Variants in IQCH observed in about 807,000 individuals in gnomAD.
IQCH encodes IQ domain-containing protein H.
A neutral mutation model predicts 117.0 loss-of-function variants in IQCH; 98 were observed. The observed-to-expected ratio is 0.84, with a 90% CI of 0.71 to 0.99. The LOEUF is 0.99. Among genes scored for constraint, IQCH ranks in the 50% least tolerant of loss-of-function variants. IQCH has a pLI of 0.00. For synonymous variants in IQCH, 412 were observed against 448.2 expected (o/e 0.92, Z 1.02); for missense variants, 1,102 against 1,243.8 (o/e 0.89, Z 1.72).
intron 6 of IQCH, among the ~76,000 whole-genome samples, chr15:67,352,122 G>C (rs1969687767): frequency 6.6e-6 from 1 of 151,574 alleles, no homozygotes; most frequent in South Asian, 2.1e-4. Flanking sequence ...TTTTGGAATT[G>C]ATACATTCCT....
Position 67,254,919 on chromosome 15 carries a change from A to G in IQCH, c.23A>G (p.His8Arg). The change falls in exon 1 of 21, where the codon CAC becomes CGC. Residue 8 changes from histidine (H) to arginine (R), a missense_variant. Physicochemically the swap from His to Arg is conservative, Grantham distance 29. Coordinates refer to ENST00000335894, the MANE Select transcript of IQCH (RefSeq NM_001031715.3). Reference protein sequence around the residue: MAQNTENHDPVGSILIQI... With the variant: MAQNTENRDPVGSILIQI... ...GCCATGGCACAGAACACTGAAAACC[A>G]CGACCCTGTCGGATCCATCTTAATC... The G allele has an allele frequency of 1.2e-6, 2 of 1,613,786 alleles. No individual in the cohort carries two copies. The highest frequency in any genetic ancestry group is 1.7e-6 in the Non-Finnish European group (2 of 1,179,810).
intron 8 of IQCH, among the ~76,000 whole-genome samples, chr15:67,361,996 GCAAA>G (rs1412390652): frequency 1.1e-4 from 16 of 151,894 alleles, no homozygotes; most frequent in African/African-American, 2.4e-4. Context: ...GATAAAACAA[GCAAA>G]CAAACAAATA....
chr15:67,461,548 G>C (rs1453656940), intron 16 of IQCH, among the ~76,000 whole-genome samples: 1 of 152,228 alleles, frequency 6.6e-6, no homozygotes, highest in African/African-American at 2.4e-5. Flanking sequence ...GGAAAGACCA[G>C]ATGGAGAACA....
At position 67,407,918 on chromosome 15, in the gene IQCH, T is replaced by A. The variant is rs990862729; in HGVS notation, c.2097+7613T>A. ...TGTAATTGTTGTGGTATCAGAGCTG[T>A]TAATTACCGGAGTAAACAGTTGAAA... On this transcript the variant is annotated intron_variant, in intron 14 of 20. Transcript: ENST00000335894. This position sits in a 1 kb window ranked among gnomAD's most constrained non-coding sequence, Gnocchi z 5.3. 2 of 152,238 alleles carry A rather than the reference T, an allele frequency of 1.3e-5. No homozygotes were observed. Among genetic ancestry groups the A allele is most frequent in the African/African-American group, 4.8e-5 (2 of 41,456 alleles). The allele number at this position is 152,238 out of a possible 1,614,324, so 9.4% of individuals were successfully genotyped here.
chr15:67,348,029 A>G lies in IQCH; in HGVS notation c.637+3838A>G, dbSNP rs142611492. Among the ~76,000 whole-genome samples, 360 of 151,884 alleles carry G rather than the reference A, an allele frequency of 2.4e-3. 10 individuals carry two copies. In the East Asian group the frequency reaches 0.062, roughly 26 times the overall value. On this transcript the variant is annotated intron_variant, in intron 6 of 20. Coordinates refer to ENST00000335894, the MANE Select transcript of IQCH (RefSeq NM_001031715.3). Reference sequence around the variant, plus strand: ...ACCATATGAATAGACTGAAGAAGAAAAACTATATAACCATCTCAATTTAAA... The same window carrying G: ...ACCATATGAATAGACTGAAGAAGAAGAACTATATAACCATCTCAATTTAAA...
At chr15:67,429,567 C>A (rs1195704352) in intron 16 of IQCH, among the ~76,000 whole-genome samples, 1 of 152,188 alleles carries the variant, frequency 6.6e-6, no homozygotes, top group Non-Finnish European at 1.5e-5. Flanking sequence ...GAAAAAAATA[C>A]ATGAATAACG....
Position 67,474,544 on chromosome 15 carries a change from T to C in IQCH, c.2677-1152T>C, listed in dbSNP as rs1415360582. Among the ~76,000 whole-genome samples the C allele has an allele frequency of 6.6e-6, 1 of 152,210 alleles. No individual in the cohort carries two copies. Among genetic ancestry groups the C allele is most frequent in the Non-Finnish European group, 1.5e-5 (1 of 68,032 alleles). The stretch of plus-strand genomic sequence containing the variant: ...TATCTGGTACATATTAAATTTTAAA[T>C]GTTTTCAGGAAATACATAATGACAG... On this transcript the variant is annotated intron_variant, in intron 17 of 20. Transcript: ENST00000335894. This position sits in a 1 kb window ranked among gnomAD's most constrained non-coding sequence, Gnocchi z 4.1.
chr15:67,286,503 A>G (rs1391605402), intron 4 of IQCH, among the ~76,000 whole-genome samples: 1 of 152,150 alleles, frequency 6.6e-6, no homozygotes, highest in South Asian at 2.1e-4. Context: ...CGTCCTTGTC[A>G]TGTTCCCAAA....
Position 67,359,425 on chromosome 15 carries a change from T to A in IQCH, c.715-422T>A, listed in dbSNP as rs993204941. 6.6e-6 allele frequency among the ~76,000 whole-genome samples: 1 copy of A among 152,192 alleles called. No individual in the cohort carries two copies. The highest frequency in any genetic ancestry group is 2.4e-5 in the African/African-American group (1 of 41,444). ...ACTCTTCAATGGTAAATGTAATTTT[T>A]CACATATTTTGTGGGAAGTGTCCTG... On this transcript the variant is annotated intron_variant, in intron 7 of 20. Coordinates refer to ENST00000335894, the MANE Select transcript of IQCH (RefSeq NM_001031715.3). This position sits in a 1 kb window ranked among gnomAD's most constrained non-coding sequence, Gnocchi z 4.5.
intron 8 of IQCH, among the ~76,000 whole-genome samples, chr15:67,362,417 A>C (rs1970175470): frequency 6.6e-6 from 1 of 152,114 alleles, no homozygotes; most frequent in Non-Finnish European, 1.5e-5. Flanking sequence ...TTGTAATCTC[A>C]AATTTGGGGT....
Position 67,312,748 on chromosome 15 carries a change from T to G in IQCH, c.388-24227T>G, listed in dbSNP as rs111571204. Among the ~76,000 whole-genome samples, 868 of 152,278 alleles carry G rather than the reference T, an allele frequency of 5.7e-3. 7 individuals carry two copies. Among genetic ancestry groups the G allele is most frequent in the African/African-American group, 0.02 (821 of 41,550 alleles). Reference sequence around the variant, plus strand: ...TAAAATGAAGCAAAGGAAAAATACTTCAGCAAGTAGTGTGATAGCATTAGC... The same window carrying G: ...TAAAATGAAGCAAAGGAAAAATACTGCAGCAAGTAGTGTGATAGCATTAGC... On this transcript the variant is annotated intron_variant, in intron 4 of 20. Coordinates refer to ENST00000335894, the MANE Select transcript of IQCH (RefSeq NM_001031715.3).
chr15:67,334,654 GCCCAGGGTTGGGT>G lies in IQCH; in HGVS notation c.388-2308_388-2296del, dbSNP rs201238113. Among the ~76,000 whole-genome samples the G allele has an allele frequency of 7.1e-3, 1,079 of 152,216 alleles. 6 individuals carry two copies. Among genetic ancestry groups the G allele is most frequent in the Admixed American group, 9.7e-3 (149 of 15,290 alleles). On this transcript the variant is annotated intron_variant, in intron 4 of 20. Transcript: ENST00000335894. ...CCAGCCTACCTATTCTGAGTTAATTGCCCAGGGTTGGGTCCCAGGGTTGGGGCCCAGGCGGCAG... is the reference window on the plus strand; with the variant it reads ...CCAGCCTACCTATTCTGAGTTAATTGCCCAGGGTTGGGGCCCAGGCGGCAG...
intron 13 of IQCH, 136 bp from the exon 14 acceptor site, chr15:67,399,978 A>G (rs1971589607): frequency 1.6e-6 from 1 of 636,258 alleles, no homozygotes; most frequent in Non-Finnish European, 2.7e-6. Flanking sequence ...ATCTGTCTTA[A>G]TAACTAGAAG....
In IQCH at chr15:67,403,959, G is replaced by A. The variant is rs909805720; in HGVS notation, c.2097+3654G>A. ...CTCTGCAGCCCTTCGTTGGGCCTCT[G>A]TTACCCTGGAGATTCTGGGATGTGG... On this transcript the variant is annotated intron_variant, in intron 14 of 20. Transcript: ENST00000335894. The surrounding 1 kb of genome is among the most constrained non-coding windows in gnomAD (Gnocchi z 4.8). 3 of 152,196 alleles carry A rather than the reference G, an allele frequency of 2.0e-5. No homozygotes were observed. The highest frequency in any genetic ancestry group is 6.5e-5 in the Admixed American group (1 of 15,284). 9.4% of individuals were successfully genotyped at this position (152,196 alleles called of 1,614,324 possible). A position where few individuals can be genotyped will look rare whatever the true frequency, so the allele number is the denominator to read the frequency against.
At position 67,491,580 on chromosome 15, in the gene IQCH, G is replaced by T. The variant is rs183478119; in HGVS notation, c.2861+1516G>T. On this transcript the variant is annotated intron_variant, in intron 19 of 20. Coordinates refer to ENST00000335894, the MANE Select transcript of IQCH (RefSeq NM_001031715.3). This position sits in a 1 kb window ranked among gnomAD's most constrained non-coding sequence, Gnocchi z 4.9. ...AAACTTATTGGGTCTTGTTAAGAAA[G>T]TCACTTCCCTAGGGACTCTTCACCC... 6.2e-4 allele frequency among the ~76,000 whole-genome samples: 94 copies of T among 152,194 alleles called. No homozygotes were observed. The highest frequency in any genetic ancestry group is 6.0e-4 in the Non-Finnish European group (41 of 67,998).
intron 1 of IQCH, among the ~76,000 whole-genome samples, chr15:67,259,837 T>C (rs572621530): frequency 6.6e-6 from 1 of 152,328 alleles, no homozygotes; most frequent in East Asian, 1.9e-4. Flanking sequence ...GAAGTATATC[T>C]TTATCTTTAG....
chr15:67,343,193 A>G (rs988598348), intron 5 of IQCH, among the ~76,000 whole-genome samples: 9 of 152,202 alleles, frequency 5.9e-5, no homozygotes, highest in African/African-American at 1.7e-4. Flanking sequence ...AACTTAGGCC[A>G]ACTTGAATAC....
At chr15:67,340,283 C>G (rs576801731) in intron 5 of IQCH, among the ~76,000 whole-genome samples, 4 of 151,812 alleles carry the variant, frequency 2.6e-5, no homozygotes, top group African/African-American at 7.2e-5. Flanking sequence ...CAAAAATTAG[C>G]CAGGTGTGAT....
rs1970496309 is a variant in IQCH, at chr15:67,370,726, T to C, written c.754-1385T>C. On this transcript the variant is annotated intron_variant, in intron 8 of 20. Coordinates refer to ENST00000335894, the MANE Select transcript of IQCH (RefSeq NM_001031715.3). This position sits in a 1 kb window ranked among gnomAD's most constrained non-coding sequence, Gnocchi z 5.6. ...AGATTTTTTCCCTCATTTTTATGCC[T>C]TATAACAACTCAAGTTAAAAGTACA... is the stretch of plus-strand genomic sequence containing the variant. 6.6e-6 allele frequency among the ~76,000 whole-genome samples: 1 copy of C among 152,204 alleles called. No homozygotes were observed. Among genetic ancestry groups the C allele is most frequent in the Non-Finnish European group, 1.5e-5 (1 of 68,042 alleles).
Sources: allele counts gnomAD v4.1 joint callset (sites outside exome capture counted in the v4.1 genomes callset), GRCh38; gene constraint gnomAD v4.1.1; non-coding constraint Gnocchi (gnomAD v3.1); transcripts MANE v1.5; gene names NCBI Gene and HGNC (gene_info 2026-07-23, HGNC 2026-07-21).